HS6ST3: variants seen among roughly 807,000 people sequenced by gnomAD.
HS6ST3 encodes the protein heparan-sulfate 6-O-sulfotransferase 3.
Under a neutral mutation model 36.7 loss-of-function variants are expected in HS6ST3, and 12 were observed. The ratio of observed to expected loss-of-function variants is 0.33; its 90% CI spans 0.21 to 0.53. The LOEUF is 0.53. HS6ST3 is among the 20% of genes least tolerant of loss of function. The pLI, the probability that HS6ST3 is intolerant of heterozygous loss-of-function variation, is 0.95. For synonymous variants in HS6ST3, 240 were observed against 257.5 expected (o/e 0.93, Z 0.65); for missense variants, 584 against 640.9 (o/e 0.91, Z 0.96).
chr13:96,299,161 G>A (rs2054869549), intron 1 of HS6ST3, among the ~76,000 whole-genome samples: 1 of 152,160 alleles, frequency 6.6e-6, no homozygotes, highest in African/African-American at 2.4e-5. Flanking sequence ...CAAGAGAGTC[G>A]CTGCTTGCGT....
intron 1 of HS6ST3, among the ~76,000 whole-genome samples, chr13:96,356,550 GA>G (rs1314602948): frequency 6.6e-6 from 1 of 152,136 alleles, no homozygotes; most frequent in African/African-American, 2.4e-5. Context: ...CATTGTCAAT[GA>G]GTAGTAATCA....
intron 1 of HS6ST3, among the ~76,000 whole-genome samples, chr13:96,127,754 A>G (rs539890497): frequency 6.6e-6 from 1 of 152,234 alleles, no homozygotes; most frequent in African/African-American, 2.4e-5. Context: ...TATTCTAGGT[A>G]CGGTACTTGC....
At position 96,090,850 on chromosome 13, in the gene HS6ST3, T is replaced by G; in HGVS notation, c.-13T>G. On this transcript the variant is annotated 5_prime_UTR_variant, in exon 1 of 2. The change abolishes the stop of an existing upstream ORF in the 5' untranslated region. Transcript: ENST00000376705. ...GCCGCCGCCGCTTCGCCTGCCGGCC[T>G]GAGAGCGGGACCATGGATGAAAGGT... 1.4e-6 allele frequency: 2 copies of G among 1,481,314 alleles called. No homozygotes were observed. Among genetic ancestry groups the G allele is most frequent in the Non-Finnish European group, 1.8e-6 (2 of 1,110,140 alleles). 91.8% of individuals were successfully genotyped at this position (1,481,314 alleles called of 1,614,324 possible). A position where few individuals can be genotyped will look rare whatever the true frequency, so the allele number is the denominator to read the frequency against.
At chr13:96,324,705 G>C (rs900103805) in intron 1 of HS6ST3, among the ~76,000 whole-genome samples, 6 of 152,168 alleles carry the variant, frequency 3.9e-5, no homozygotes, top group Middle Eastern at 3.2e-3. Context: ...TGAACACAGA[G>C]ACACATACAG....
intron 1 of HS6ST3, among the ~76,000 whole-genome samples, chr13:96,495,398 A>G (rs535990589): frequency 5.9e-5 from 9 of 152,320 alleles, no homozygotes; most frequent in African/African-American, 2.2e-4. Context: ...GACTTCATTA[A>G]GTGAAAACAC....
rs549203236 is a variant in HS6ST3, at chr13:96,136,756, A to G, written c.707+45187A>G. 5.3e-5 allele frequency among the ~76,000 whole-genome samples: 8 copies of G among 150,716 alleles called. No homozygotes were observed. In the East Asian group the frequency reaches 1.6e-3, roughly 29 times the overall value. ...ACTACAGTGAAACAAATTAACATAT[A>G]CAAATGATTTGATTAGCCTATTTCA... On this transcript the variant is annotated intron_variant, in intron 1 of 1. Coordinates refer to ENST00000376705, the MANE Select transcript of HS6ST3 (RefSeq NM_153456.4).
chr13:96,190,176 T>C (rs1397691339), intron 1 of HS6ST3, among the ~76,000 whole-genome samples: 3 of 152,330 alleles, frequency 2.0e-5, no homozygotes, highest in African/African-American at 7.2e-5. Flanking sequence ...GACATATCCA[T>C]CCATTCATTT....
chr13:96,236,913 G>A (rs9516646), intron 1 of HS6ST3, among the ~76,000 whole-genome samples: 53,729 of 152,044 alleles, frequency 0.35, 10,757 homozygotes, highest in Non-Finnish European at 0.46. Flanking sequence ...GACTGGGCAA[G>A]TTATAAAGAA....
intron 1 of HS6ST3, among the ~76,000 whole-genome samples, chr13:96,550,273 G>T (rs1265579625): frequency 6.6e-6 from 1 of 152,044 alleles, no homozygotes; most frequent in African/African-American, 2.4e-5. Flanking sequence ...GGAGCTGGTT[G>T]TTTAAAAGAG....
chr13:96,337,470 G>A (rs917219575), intron 1 of HS6ST3, among the ~76,000 whole-genome samples: 1 of 152,148 alleles, frequency 6.6e-6, no homozygotes, highest in Admixed American at 6.5e-5. Context: ...GATGTGAAAT[G>A]TTCTATTCCT....
At chr13:96,277,396 G>A (rs556336312) in intron 1 of HS6ST3, among the ~76,000 whole-genome samples, 38 of 152,306 alleles carry the variant, frequency 2.5e-4, no homozygotes, top group African/African-American at 8.4e-4. Context: ...ATAATGTGGA[G>A]ACCTAGCAGG....
chr13:96,477,305 T>C (rs2055868908), intron 1 of HS6ST3, among the ~76,000 whole-genome samples: 1 of 152,192 alleles, frequency 6.6e-6, no homozygotes, highest in African/African-American at 2.4e-5. Context: ...GGAATTTTCC[T>C]TTCAGTCATC....
intron 1 of HS6ST3, among the ~76,000 whole-genome samples, chr13:96,595,176 G>C (rs906220427): frequency 2.0e-5 from 3 of 152,118 alleles, no homozygotes; most frequent in Non-Finnish European, 4.4e-5. Flanking sequence ...CTCCTGAGTG[G>C]CTGAAACTAC....
chr13:96,232,309 G>A (rs1201286697), intron 1 of HS6ST3, among the ~76,000 whole-genome samples: 1 of 152,166 alleles, frequency 6.6e-6, no homozygotes, highest in Non-Finnish European at 1.5e-5. Context: ...AAATGTGAAA[G>A]CTTCGCTGGT....
chr13:96,800,142 T>C (rs1345449652), intron 1 of HS6ST3, among the ~76,000 whole-genome samples: 1 of 150,336 alleles, frequency 6.7e-6, no homozygotes, highest in Non-Finnish European at 1.5e-5. Flanking sequence ...TATAATTTGA[T>C]TTTCAGATCA....
chr13:96,351,335 T>TTTTTTTTTTTAA (rs1203595829), intron 1 of HS6ST3, among the ~76,000 whole-genome samples: 3 of 146,366 alleles, frequency 2.0e-5, no homozygotes, highest in Admixed American at 6.7e-5. Context: ...TTTTTTTTTT[T>TTTTTTTTTTTAA]AAAAAAAACA....
intron 1 of HS6ST3, among the ~76,000 whole-genome samples, chr13:96,417,540 A>G (rs993517206): frequency 6.6e-6 from 1 of 151,284 alleles, no homozygotes; most frequent in African/African-American, 2.4e-5. Context: ...TGTTTGGTTT[A>G]CCATTATCTA....
chr13:96,570,170 G>T (rs554928991), intron 1 of HS6ST3, among the ~76,000 whole-genome samples: 1 of 152,102 alleles, frequency 6.6e-6, no homozygotes, highest in Non-Finnish European at 1.5e-5. Flanking sequence ...GTCTGGTTTG[G>T]TTTATATCCT....
intron 1 of HS6ST3, among the ~76,000 whole-genome samples, chr13:96,480,409 G>A (rs2055884915): frequency 6.6e-6 from 1 of 152,074 alleles, no homozygotes; most frequent in South Asian, 2.1e-4. Flanking sequence ...CCACTGCACT[G>A]GGCCTCCACT....
Sources: allele counts gnomAD v4.1 joint callset (sites outside exome capture counted in the v4.1 genomes callset), GRCh38; gene constraint gnomAD v4.1.1; transcripts MANE v1.5; gene names NCBI Gene and HGNC (gene_info 2026-07-23, HGNC 2026-07-21).